CSF3R: variants seen among roughly 807,000 people sequenced by gnomAD.
CSF3R encodes the protein colony stimulating factor 3 receptor.
In CSF3R, 52 loss-of-function variants were observed where a neutral mutation model predicts 84.4. The observed-to-expected ratio is 0.62, with a 90% CI of 0.49 to 0.78. The LOEUF is 0.78. Ranked by LOEUF, CSF3R falls within the 30% of genes least tolerant of loss-of-function variation. The probability of loss-of-function intolerance (pLI) is 0.00; values close to 1 mark genes in which losing one functional copy is unlikely to be tolerated. For synonymous variants in CSF3R, 384 were observed against 429.1 expected, an observed-to-expected ratio of 0.89 and a Z score of 1.30; for missense variants, 890 against 1,055.7, an observed-to-expected ratio of 0.84 and a Z score of 2.17.
chr1:36,482,156 G>C (rs1350958437), intron 1 of CSF3R: 1 of 152,298 alleles, frequency 6.6e-6, no homozygotes, highest in Non-Finnish European at 1.5e-5. Context: ...GAAAAAGAGA[G>C]AGCAACAGGA....
chr1:36,469,347 A>G (rs1264829079), intron 11 of CSF3R, 90 bp from the exon 12 acceptor site: 2 of 1,006,946 alleles, frequency 2.0e-6, no homozygotes, highest in Admixed American at 3.7e-5. Flanking sequence ...GTGAGGGCTA[A>G]CCTGGCCTCA....
At chr1:36,480,403 G>A (rs1328953232) in intron 2 of CSF3R, among the ~76,000 whole-genome samples, 1 of 152,248 alleles carries the variant, frequency 6.6e-6, no homozygotes, top group Admixed American at 6.5e-5. Flanking sequence ...CAGACCTCTG[G>A]TGGCCTTCTG....
chr1:36,469,944 G>T, intron 10 of CSF3R, 104 bp from the exon 11 acceptor site: 2 of 1,266,154 alleles, frequency 1.6e-6, no homozygotes, highest in South Asian at 1.3e-5. Context: ...CAGGCTGGGT[G>T]ACCTTTGGTA....
chr1:36,475,357 G>A lies in CSF3R; in HGVS notation c.361+20C>T, dbSNP rs1189214233. The A allele has an allele frequency of 6.2e-7, 1 of 1,613,090 alleles. No individual in the cohort carries two copies. Among genetic ancestry groups the A allele is most frequent in the Admixed American group, 1.7e-5 (1 of 60,026 alleles). ...GGAGGGTGTTGGAGGCAGAGTAGTT[G>A]GATGGCTGGAAGGACTTACAGCCTG... On this transcript the variant is annotated intron_variant, in intron 4 of 16. Coordinates refer to ENST00000373106, the MANE Select transcript of CSF3R (RefSeq NM_000760.4).
chr1:36,471,821 G>A (rs1479317956), intron 9 of CSF3R, 175 bp from the exon 10 acceptor site: 4 of 723,834 alleles, frequency 5.5e-6, no homozygotes, highest in Non-Finnish European at 9.1e-6. Context: ...TAGGAAGGAG[G>A]GCAGGAAGAA....
In CSF3R at chr1:36,482,833, C is replaced by T. The variant is rs1028641802; in HGVS notation, c.-103G>A. 1 of 152,482 alleles carries T rather than the reference C, an allele frequency of 6.6e-6. No individual in the cohort carries two copies. Among genetic ancestry groups the T allele is most frequent in the Admixed American group, 6.5e-5 (1 of 15,292 alleles). The allele number at this position is 152,482 out of a possible 1,614,324, so 9.4% of individuals were successfully genotyped here. A position where few individuals can be genotyped will look rare whatever the true frequency, so the allele number is the denominator to read the frequency against. ...CACGTTGGCACCTCTGGCCCAGCCC[C>T]TGCTTGGCCTCCTTGGTCTCTCTTC... On this transcript the variant is annotated 5_prime_UTR_variant, in exon 1 of 17. Transcript: ENST00000373106.
chr1:36,467,678 G>A lies in CSF3R; in HGVS notation c.1865-27C>T. 1.2e-6 allele frequency: 2 copies of A among 1,613,328 alleles called. No individual in the cohort carries two copies. Among genetic ancestry groups the A allele is most frequent in the Non-Finnish European group, 1.7e-6 (2 of 1,179,208 alleles). On this transcript the variant is annotated intron_variant, in intron 14 of 16. Transcript: ENST00000373106. This position sits in a 1 kb window ranked among gnomAD's most constrained non-coding sequence, Gnocchi z 4.1. ...TGCAGTGAGGGCAGGGCCGGAAGAA[G>A]TTAGAATGCATGTTGGGAAGGCTGG...
At chr1:36,476,529 T>C (rs1195152666) in intron 3 of CSF3R, among the ~76,000 whole-genome samples, 1 of 152,240 alleles carries the variant, frequency 6.6e-6, no homozygotes, top group Non-Finnish European at 1.5e-5. Context: ...TTCCAGCTTA[T>C]ACCGGTCTCT....
At position 36,472,128 on chromosome 1, in the gene CSF3R, T is replaced by C; in HGVS notation, c.1009A>G (p.Arg337Gly). The C allele has an allele frequency of 6.2e-7, 1 of 1,613,890 alleles. No homozygotes were observed. The change falls in exon 9 of 17, where the codon AGA becomes GGA. Residue 337 changes from arginine to glycine, a missense_variant. Arg to Gly is a moderately radical substitution (Grantham distance 125). Transcript: ENST00000373106. The surrounding 1 kb of genome is among the most constrained non-coding windows in gnomAD (Gnocchi z 5.0). Reference protein sequence around the residue: ...LRTTERAPTVRLDTWWRQRQL... With the variant: ...LRTTERAPTVGLDTWWRQRQL... ...CTCTGCCGCCACCATGTGTCCAGTC[T>C]GACAGTGGGGGCTGTGGATGGAACA...
At chr1:36,481,656 A>G (rs184179422) in intron 1 of CSF3R, 119 bp from the exon 2 acceptor site, 21 of 152,376 alleles carry the variant, frequency 1.4e-4, no homozygotes, top group African/African-American at 4.6e-4. Context: ...CTCAGCAACC[A>G]TAGGTTATTT....
At chr1:36,470,162 A>C (rs566912470) in intron 10 of CSF3R, among the ~76,000 whole-genome samples, 1 of 152,206 alleles carries the variant, frequency 6.6e-6, no homozygotes, top group South Asian at 2.1e-4. Context: ...GATATATTTT[A>C]TTTTATTTTA....
In CSF3R at chr1:36,466,303, C is replaced by T. The variant is rs1029220283; in HGVS notation, c.*54G>A. The T allele has an allele frequency of 2.5e-6, 4 of 1,611,714 alleles. No individual in the cohort carries two copies. In the East Asian group the frequency reaches 6.7e-5, roughly 27 times the overall value. On this transcript the variant is annotated 3_prime_UTR_variant, in exon 17 of 17. Coordinates refer to ENST00000373106, the MANE Select transcript of CSF3R (RefSeq NM_000760.4). This position sits in a 1 kb window ranked among gnomAD's most constrained non-coding sequence, Gnocchi z 4.6. ...GGGCTTATGGACCCTCCCCTCTTCTCCAGCTAGCTCAGGCCTTTAAGAGGC... is the reference window on the plus strand; with the variant it reads ...GGGCTTATGGACCCTCCCCTCTTCTTCAGCTAGCTCAGGCCTTTAAGAGGC...
At chr1:36,477,039 T>C (rs1651198186) in intron 3 of CSF3R, 1 of 152,106 alleles carries the variant, frequency 6.6e-6, no homozygotes, top group Admixed American at 6.6e-5. Context: ...CGCTTAGGCA[T>C]CTTGAAGAAA....
At chr1:36,475,308 G>A (rs951245084) in intron 4 of CSF3R, 69 bp downstream of exon 4, 10 of 1,588,608 alleles carry the variant, frequency 6.3e-6, no homozygotes, top group African/African-American at 1.3e-5. Flanking sequence ...TGCCCGGCTG[G>A]TAATATTCTT....
chr1:36,472,814 C>T lies in CSF3R; in HGVS notation c.674-128G>A, dbSNP rs758709306. On this transcript the variant is annotated intron_variant, in intron 6 of 16. Transcript: ENST00000373106. The surrounding 1 kb of genome is among the most constrained non-coding windows in gnomAD (Gnocchi z 5.0). ...TTGCCAATGACACGTTTCTGTGGTTCGATCTCTATGTGTCTTTGTTTCTCT... is the reference window on the plus strand; with the variant it reads ...TTGCCAATGACACGTTTCTGTGGTTTGATCTCTATGTGTCTTTGTTTCTCT... 3.5e-5 allele frequency: 40 copies of T among 1,141,546 alleles called. No homozygotes were observed. Among genetic ancestry groups the T allele is most frequent in the South Asian group, 6.6e-5 (4 of 60,806 alleles). The allele number at this position is 1,141,546 out of a possible 1,614,324, so 70.7% of individuals were successfully genotyped here. A position where few individuals can be genotyped will look rare whatever the true frequency, so the allele number is the denominator to read the frequency against.
intron 6 of CSF3R, 70 bp downstream of exon 6, chr1:36,473,365 G>A (rs1374811536): frequency 3.9e-6 from 6 of 1,556,914 alleles, no homozygotes; most frequent in South Asian, 2.2e-5. Flanking sequence ...CGCTAGTTCT[G>A]TGTTTCCCTC....
intron 9 of CSF3R, 178 bp from the exon 10 acceptor site, chr1:36,471,824 A>C: frequency 1.4e-6 from 1 of 709,052 alleles, no homozygotes; most frequent in Non-Finnish European, 2.4e-6. Context: ...GAAGGAGGGC[A>C]GGAAGAAACA....
Position 36,469,754 on chromosome 1 carries a change from C to T in CSF3R, c.1372G>A (p.Gly458Ser). The change falls in exon 11 of 17, where the codon GGC (glycine) becomes AGC (serine). Residue 458 changes from glycine to serine, a missense_variant. Coordinates refer to ENST00000373106, the MANE Select transcript of CSF3R (RefSeq NM_000760.4). ...GWEPPNPWPQ[G>S]YVIEWGLGPP... Reference sequence around the variant, plus strand: ...CCCAGGCCCCACTCAATCACATAGCCCTGAGGCCATGGATTGGGGGGCTCC... The same window carrying T: ...CCCAGGCCCCACTCAATCACATAGCTCTGAGGCCATGGATTGGGGGGCTCC... 6.2e-7 allele frequency: 1 copy of T among 1,614,170 alleles called. No homozygotes were observed. Among genetic ancestry groups the T allele is most frequent in the Non-Finnish European group, 8.5e-7 (1 of 1,180,042 alleles).
rs2124098315 is a variant in CSF3R, at chr1:36,466,997, A to G, written c.2041-170T>C. ...TATGTTCCTCACACATGCCTGACAC[A>G]TGCCATGCACCGTTCAGACTCAGCA... On this transcript the variant is annotated intron_variant, in intron 16 of 16. Transcript: ENST00000373106. The surrounding 1 kb of genome is among the most constrained non-coding windows in gnomAD (Gnocchi z 4.6). 1 of 1,512,658 alleles carries G rather than the reference A, an allele frequency of 6.6e-7. No individual in the cohort carries two copies. Among genetic ancestry groups the G allele is most frequent in the East Asian group, 2.3e-5 (1 of 43,402 alleles). The allele number at this position is 1,512,658 out of a possible 1,614,324, so 93.7% of individuals were successfully genotyped here. A position where few individuals can be genotyped will look rare whatever the true frequency, so the allele number is the denominator to read the frequency against.
Sources: gnomAD v4.1 joint callset for allele counts (sites outside exome capture counted in the v4.1 genomes callset) on GRCh38, gnomAD v4.1.1 for gene constraint, Gnocchi (gnomAD v3.1) non-coding constraint, MANE v1.5 for transcripts, NCBI Gene and HGNC (gene_info 2026-07-23, HGNC 2026-07-21) for gene names.